The following EDNRB variants were observed in gnomAD, a reference collection of about 807,000 sequenced individuals.
EDNRB encodes Hirschsprung disease 2.
Under a neutral mutation model 46.4 loss-of-function variants are expected in EDNRB, and 18 were observed. The observed-to-expected ratio is 0.39, with a 90% CI of 0.27 to 0.57. EDNRB has a LOEUF of 0.57. EDNRB is among the 20% of genes least tolerant of loss of function. EDNRB has a pLI of 0.61. For synonymous variants in EDNRB, 213 were observed against 204.9 expected, an observed-to-expected ratio of 1.04 and a Z score of -0.34; for missense variants, 434 against 537.5, an observed-to-expected ratio of 0.81 and a Z score of 1.90.
chr13:77,908,535 A>G (rs183943514), intron 1 of EDNRB, among the ~76,000 whole-genome samples: 1 of 151,936 alleles, frequency 6.6e-6, no homozygotes, highest in Non-Finnish European at 1.5e-5. Flanking sequence ...TTTCTTCATC[A>G]TTCTTTGGGA....
At chr13:77,923,350 T>C (rs766980485), upstream of EDNRB, among the ~76,000 whole-genome samples, 17 of 152,240 alleles carry the variant, frequency 1.1e-4, 1 homozygote, top group Non-Finnish European at 2.1e-4. Context: ...TAACCTGGTC[T>C]ACAAACTTCT....
intron 2 of EDNRB, 31 bp from the exon 3 acceptor site, chr13:77,903,391 C>T (rs1879104729): frequency 1.2e-6 from 2 of 1,612,412 alleles, no homozygotes; most frequent in Non-Finnish European, 1.7e-6. Flanking sequence ...GTATTTTAAG[C>T]TGGCATACCT....
At chr13:77,933,930 A>T (rs1361027926) in intron 1 of EDNRB, among the ~76,000 whole-genome samples, 1 of 152,228 alleles carries the variant, frequency 6.6e-6, no homozygotes, top group African/African-American at 2.4e-5. Flanking sequence ...TAAAAGAAGG[A>T]GAAAAACAGG....
chr13:77,898,193 T>C lies in EDNRB; in HGVS notation c.*7A>G, dbSNP rs1878732552. The C allele has an allele frequency of 5.0e-6, 8 of 1,610,822 alleles. No homozygotes were observed. Among genetic ancestry groups the C allele is most frequent in the Non-Finnish European group, 6.8e-6 (8 of 1,178,232 alleles). On this transcript the variant is annotated 3_prime_UTR_variant, in exon 7 of 7. Transcript: ENST00000646607. ...AAGAAAATGAAATACAGTGAATAGT[T>C]CTTCTTTCAAGATGAGCTGTATTTA...
In EDNRB at chr13:77,903,341, A is replaced by T. The variant is rs1410186437; in HGVS notation, c.616T>A (p.Trp206Arg). ...ACCCCAATTCCTTTAATTCTACTCCAAGAAGCAACAGCTCGATATCTGAAG... is the reference window on the plus strand; with the variant it reads ...ACCCCAATTCCTTTAATTCTACTCCTAGAAGCAACAGCTCGATATCTGAAG... ...SIDRYRAVAS[W>R]SRIKGIGVPK... Residue 206 changes from tryptophan to arginine, a missense_variant, in exon 3 of 7, where the codon TGG (tryptophan) becomes AGG (arginine). Physicochemically the swap from Trp to Arg is moderately radical, Grantham distance 101. Coordinates refer to ENST00000646607, the MANE Select transcript of EDNRB (RefSeq NM_001122659.3). The T allele has an allele frequency of 6.2e-7, 1 of 1,612,906 alleles. No homozygotes were observed.
intron 1 of EDNRB, among the ~76,000 whole-genome samples, chr13:77,936,828 C>T (rs550330301): frequency 4.6e-4 from 70 of 152,348 alleles, no homozygotes; most frequent in African/African-American, 1.5e-3. Flanking sequence ...TTGACTGCTG[C>T]GGCTTAGGCG....
intron 1 of EDNRB, among the ~76,000 whole-genome samples, chr13:77,974,940 C>T (rs768445810): frequency 1.3e-4 from 20 of 152,092 alleles, no homozygotes; most frequent in Non-Finnish European, 2.8e-4. Context: ...GTGCCTGACC[C>T]ATGCTTCTTT....
intron 1 of EDNRB, among the ~76,000 whole-genome samples, chr13:77,963,931 A>T (rs1347118716): frequency 6.6e-5 from 10 of 152,180 alleles, no homozygotes; most frequent in Non-Finnish European, 1.3e-4. Context: ...CAAGAAAAAA[A>T]CAAACAACCC....
At chr13:77,912,430 T>C (rs3027130) in intron 1 of EDNRB, among the ~76,000 whole-genome samples, 1 of 152,128 alleles carries the variant, frequency 6.6e-6, no homozygotes, top group Non-Finnish European at 1.5e-5. Context: ...TCTGAGTTTC[T>C]GGTTGATTTG....
intron 1 of EDNRB, among the ~76,000 whole-genome samples, chr13:77,932,366 T>C (rs1279098340): frequency 6.6e-6 from 1 of 152,248 alleles, no homozygotes; most frequent in African/African-American, 2.4e-5. Context: ...TTATGGCTAA[T>C]TTAACACGAT....
chr13:77,968,418 A>T (rs982904607), intron 1 of EDNRB, among the ~76,000 whole-genome samples: 1 of 152,140 alleles, frequency 6.6e-6, no homozygotes, highest in African/African-American at 2.4e-5. Flanking sequence ...TCTCTTTTCT[A>T]GGCCCTAGTG....
chr13:77,897,117 GC>G lies in EDNRB; in HGVS notation c.*1082del, dbSNP rs978282642. 12 of 985,620 alleles carry G rather than the reference GC, an allele frequency of 1.2e-5. No individual in the cohort carries two copies. Among genetic ancestry groups the G allele is most frequent in the Middle Eastern group, 5.2e-4 (1 of 1,938 alleles). The allele number at this position is 985,620 out of a possible 1,614,324, so 61.1% of individuals were successfully genotyped here. A position where few individuals can be genotyped will look rare whatever the true frequency, so the allele number is the denominator to read the frequency against. ...AACCACAGCATGGGTGAGAGAGGGT[GC>G]TACCTGCCCCTTTGTCATGTGGACA... On this transcript the variant is annotated 3_prime_UTR_variant, in exon 7 of 7. Transcript: ENST00000646607.
At chr13:77,955,848 T>TCTATCTATCTAA (rs1881220454) in intron 1 of EDNRB, among the ~76,000 whole-genome samples, 1 of 76,622 alleles carries the variant, frequency 1.3e-5, no homozygotes, top group Admixed American at 1.6e-4. Flanking sequence ...TGTGTGTGTA[T>TCTATCTATCTAA]CTATCTATCT....
upstream of EDNRB, chr13:77,919,762 G>A (rs903449695): frequency 1.5e-5 from 11 of 733,436 alleles, no homozygotes; most frequent in Non-Finnish European, 2.4e-5. Flanking sequence ...GTCCCAAAAG[G>A]CTGTTTATTT....
intron 1 of EDNRB, among the ~76,000 whole-genome samples, chr13:77,928,363 G>A (rs1310206800): frequency 2.6e-5 from 4 of 152,090 alleles, no homozygotes; most frequent in South Asian, 2.1e-4. Flanking sequence ...CCACTAAGAG[G>A]TACACTTAGG....
chr13:77,903,566 C>T lies in EDNRB; in HGVS notation c.525G>A (p.Lys175=). The T allele has an allele frequency of 5.6e-6, 9 of 1,612,844 alleles. No individual in the cohort carries two copies. The highest frequency in any genetic ancestry group is 7.6e-6 in the Non-Finnish European group (9 of 1,179,238). The change falls in exon 2 of 7, where the codon AAG becomes AAA. Residue 175 remains lysine, a synonymous_variant. Coordinates refer to ENST00000646607, the MANE Select transcript of EDNRB (RefSeq NM_001122659.3). ...EDWPFGAEMC[K]LVPFIQKASV... The stretch of plus-strand genomic sequence containing the variant: ...AGGCTTTCTGTATGAAAGGCACCAG[C>T]TTACACATCTCAGCTCCAAATGGCC...
chr13:77,941,754 T>C (rs1880755602), intron 1 of EDNRB, among the ~76,000 whole-genome samples: 1 of 152,246 alleles, frequency 6.6e-6, no homozygotes, highest in Non-Finnish European at 1.5e-5. Flanking sequence ...TATTTTGGAA[T>C]CTGTTTGGCA....
At chr13:77,954,109 CT>C (rs1197511015) in intron 1 of EDNRB, among the ~76,000 whole-genome samples, 1 of 152,058 alleles carries the variant, frequency 6.6e-6, no homozygotes, top group African/African-American at 2.4e-5. Flanking sequence ...CATTGCATCC[CT>C]TTTTTCTTTT....
At chr13:77,934,686 G>GGA in intron 1 of EDNRB, among the ~76,000 whole-genome samples, 1 of 150,784 alleles carries the variant, frequency 6.6e-6, no homozygotes, top group East Asian at 2.0e-4. Flanking sequence ...GAAAGGGGGG[G>GGA]GGGGGCCTGA....
Sources: allele counts gnomAD v4.1 joint callset (sites outside exome capture counted in the v4.1 genomes callset), GRCh38; gene constraint gnomAD v4.1.1; transcripts MANE v1.5; gene names NCBI Gene and HGNC (gene_info 2026-07-23, HGNC 2026-07-21).